The following CSMD1 variants were observed in gnomAD, a reference collection of about 807,000 sequenced individuals.
CSMD1 encodes the protein CUB and Sushi multiple domains 1, also known as CUB and sushi domain-containing protein 1.
CSMD1 carries 213 observed loss-of-function variants against 417.5 expected under a neutral mutation model. The observed-to-expected ratio is 0.51, with a 90% confidence interval of 0.46 to 0.57. The LOEUF is 0.57. CSMD1 is among the 20% of genes least tolerant of loss of function. CSMD1 has a pLI of 0.00. For missense variants in CSMD1, 6,923 were observed against 4,529.7 expected (o/e 1.53, Z -15.17); for synonymous variants, 2,862 against 1,736.8 (o/e 1.65, Z -16.11).
intron 1 of CSMD1, among the ~76,000 whole-genome samples, chr8:4,869,340 A>T (rs1209715807): frequency 6.6e-6 from 1 of 151,966 alleles, no homozygotes; most frequent in Non-Finnish European, 1.5e-5. Flanking sequence ...GGGAAACTGG[A>T]TCTCTTTCCT....
chr8:4,292,101 G>A (rs1026808148), intron 3 of CSMD1, among the ~76,000 whole-genome samples: 1 of 152,092 alleles, frequency 6.6e-6, no homozygotes, highest in Non-Finnish European at 1.5e-5. Context: ...CAGGGAACAG[G>A]AACAATGAAG....
intron 3 of CSMD1, among the ~76,000 whole-genome samples, chr8:4,138,851 T>C (rs1276214527): frequency 6.6e-6 from 1 of 152,194 alleles, no homozygotes; most frequent in Non-Finnish European, 1.5e-5. Context: ...ATAAAGTTAA[T>C]ATATTGTGAA....
intron 5 of CSMD1, among the ~76,000 whole-genome samples, chr8:3,997,537 G>A (rs980627587): frequency 6.6e-6 from 1 of 152,110 alleles, no homozygotes; most frequent in Admixed American, 6.6e-5. Flanking sequence ...GTCAATTCTC[G>A]CTAACGTGAG....
chr8:2,957,755 G>T lies in CSMD1; in HGVS notation c.9755C>A (p.Ser3252Tyr). Residue 3252 changes from serine to tyrosine, a missense_variant, in exon 63 of 70, where the codon TCC (serine) becomes TAC (tyrosine). Transcript: ENST00000635120. ...ATTGGCAAGGCAGGTGCGAGTCGTG[G>T]AACCTTGAATATGGTAGCCTTTTCT... ...RCRKGYHIQG[S>Y]TTRTCLANLT... 1.3e-6 allele frequency: 2 copies of T among 1,599,720 alleles called. No individual in the cohort carries two copies.
At chr8:3,444,838 A>G (rs575939233) in intron 12 of CSMD1, among the ~76,000 whole-genome samples, 40 of 152,350 alleles carry the variant, frequency 2.6e-4, no homozygotes, top group African/African-American at 9.1e-4. Context: ...CAGCAAGTAA[A>G]TACAAAAAGA....
chr8:2,974,523 T>A lies in CSMD1; in HGVS notation c.8668A>T (p.Ser2890Cys). The A allele has an allele frequency of 6.2e-7, 1 of 1,613,658 alleles. No homozygotes were observed. The highest frequency in any genetic ancestry group is 8.5e-7 in the Non-Finnish European group (1 of 1,179,740). The change falls in exon 56 of 70, where the codon AGC (serine) becomes TGC (cysteine). Residue 2890 changes from serine to cysteine, a missense_variant. Transcript: ENST00000635120. The part of the protein sequence containing the change: ...VVHYSCRGSE[S>C]LIGNDTRVCQ... ...ACTCTCGTGTCGTTGCCTATGAGGC[T>A]CTCGCTCCCTCTGCAGGAGTAGTGC...
At chr8:3,115,407 G>C (rs558764937) in intron 42 of CSMD1, among the ~76,000 whole-genome samples, 18 of 152,168 alleles carry the variant, frequency 1.2e-4, no homozygotes, top group East Asian at 5.8e-4. Flanking sequence ...TTGCCATGTT[G>C]GCCAGGCTTG....
At chr8:4,390,409 A>G (rs537240723) in intron 3 of CSMD1, among the ~76,000 whole-genome samples, 1 of 152,302 alleles carries the variant, frequency 6.6e-6, no homozygotes, top group Non-Finnish European at 1.5e-5. Flanking sequence ...GAGAAATAAA[A>G]CATCGTATAG....
intron 5 of CSMD1, among the ~76,000 whole-genome samples, chr8:3,774,976 T>C (rs1798820962): frequency 6.6e-6 from 1 of 151,936 alleles, no homozygotes; most frequent in Non-Finnish European, 1.5e-5. Context: ...AGCAATGCAC[T>C]GGACACAGGG....
intron 46 of CSMD1, among the ~76,000 whole-genome samples, chr8:3,100,437 T>G (rs73657574): frequency 0.035 from 5,290 of 152,332 alleles, 324 homozygotes; most frequent in African/African-American, 0.12. Flanking sequence ...AAACTGTTGC[T>G]TAGAGCAATA....
At chr8:3,727,514 G>A (rs547868352) in intron 6 of CSMD1, among the ~76,000 whole-genome samples, 11 of 152,314 alleles carry the variant, frequency 7.2e-5, no homozygotes, top group African/African-American at 2.6e-4. Flanking sequence ...CACTGCTGGT[G>A]TGAATGTAAA....
intron 28 of CSMD1, among the ~76,000 whole-genome samples, chr8:3,219,957 G>A (rs1230247956): frequency 6.6e-6 from 1 of 151,916 alleles, no homozygotes; most frequent in Non-Finnish European, 1.5e-5. Context: ...CCCAGCCTAG[G>A]TAACATAATG....
intron 3 of CSMD1, among the ~76,000 whole-genome samples, chr8:4,150,559 G>A (rs1418176280): frequency 1.3e-5 from 2 of 152,178 alleles, no homozygotes; most frequent in East Asian, 1.9e-4. Flanking sequence ...ACATGACCCT[G>A]CTGAAGGATT....
At chr8:3,350,123 C>G (rs36175069) in intron 21 of CSMD1, among the ~76,000 whole-genome samples, 2 of 87,694 alleles carry the variant, frequency 2.3e-5, no homozygotes. Context: ...GTGTGTGTTA[C>G]AATACCTATA....
chr8:3,847,058 A>AAG (rs1285946231), intron 5 of CSMD1, among the ~76,000 whole-genome samples: 1 of 152,076 alleles, frequency 6.6e-6, no homozygotes, highest in Non-Finnish European at 1.5e-5. Flanking sequence ...TCAGGTTTAG[A>AAG]AGCCCTTCCA....
intron 22 of CSMD1, among the ~76,000 whole-genome samples, chr8:3,345,233 G>A (rs11783861): frequency 0.024 from 3,675 of 152,258 alleles, 75 homozygotes; most frequent in Middle Eastern, 0.065. Flanking sequence ...TTGACCAAGC[G>A]CACCGTGGAT....
At chr8:3,959,385 G>C (rs894901116) in intron 5 of CSMD1, among the ~76,000 whole-genome samples, 4 of 152,190 alleles carry the variant, frequency 2.6e-5, no homozygotes, top group African/African-American at 9.6e-5. Context: ...TGTAGTACCA[G>C]CTACTCAAGA....
At chr8:3,472,589 T>A (rs2117204558) in intron 11 of CSMD1, among the ~76,000 whole-genome samples, 1 of 151,884 alleles carries the variant, frequency 6.6e-6, no homozygotes, top group African/African-American at 2.4e-5. Flanking sequence ...TATACTGACA[T>A]ATATATATAT....
chr8:3,250,813 G>C (rs1304375424), intron 26 of CSMD1, among the ~76,000 whole-genome samples: 2 of 152,172 alleles, frequency 1.3e-5, no homozygotes, highest in African/African-American at 2.4e-5. Flanking sequence ...CTGATGGCCA[G>C]TGATGATGAG....
Sources: allele counts gnomAD v4.1 joint callset (sites outside exome capture counted in the v4.1 genomes callset), GRCh38; gene constraint gnomAD v4.1.1; transcripts MANE v1.5; gene names NCBI Gene and HGNC (gene_info 2026-07-23, HGNC 2026-07-21).